Variants in SCARA3 observed in about 807,000 individuals in gnomAD.
SCARA3 encodes the protein cellular stress response gene protein.
In SCARA3, 39 loss-of-function variants were observed where a neutral mutation model predicts 47.0. The ratio of observed to expected loss-of-function variants is 0.83; its 90% CI spans 0.64 to 1.08. The LOEUF is 1.08. Among genes scored for constraint, SCARA3 ranks in the 50% least tolerant of loss-of-function variants. The pLI is 0.00. For synonymous variants in SCARA3, 356 were observed against 334.1 expected (o/e 1.07, Z -0.71); for missense variants, 724 against 792.3 (o/e 0.91, Z 1.04).
chr8:27,715,211 C>T, the SCARA3 span, among the ~76,000 whole-genome samples: 1 of 152,180 alleles, frequency 6.6e-6, no homozygotes, highest in African/African-American at 2.4e-5. This position sits in a 1 kb window ranked among gnomAD's most constrained non-coding sequence, Gnocchi z 4.2. Flanking sequence ...CAGGCATCAG[C>T]CACCCTGCCC....
the SCARA3 span, among the ~76,000 whole-genome samples, chr8:27,688,155 T>A: frequency 6.6e-6 from 1 of 152,296 alleles, no homozygotes; most frequent in East Asian, 1.9e-4. Context: ...ATTAAATGTC[T>A]CCTGCATTTT....
At chr8:27,712,299 C>T in the SCARA3 span, among the ~76,000 whole-genome samples, 1 of 152,172 alleles carries the variant, frequency 6.6e-6, no homozygotes, top group Non-Finnish European at 1.5e-5. Flanking sequence ...CGCGGTGGCT[C>T]ATGCCTGTAA....
intron 1 of SCARA3, among the ~76,000 whole-genome samples, chr8:27,637,872 A>G (rs1255420791): frequency 6.6e-6 from 1 of 152,016 alleles, no homozygotes; most frequent in Non-Finnish European, 1.5e-5. Flanking sequence ...ATGAGCGGCC[A>G]GGCTGGGGGC....
chr8:27,657,431 G>A (rs2128920279), intron 4 of SCARA3, among the ~76,000 whole-genome samples: 1 of 146,804 alleles, frequency 6.8e-6, no homozygotes, highest in East Asian at 2.0e-4. Flanking sequence ...CAGGTAGTGA[G>A]CCCAGGTACC....
the SCARA3 span, among the ~76,000 whole-genome samples, chr8:27,696,077 A>G: frequency 6.6e-6 from 1 of 151,596 alleles, no homozygotes; most frequent in African/African-American, 2.4e-5. Flanking sequence ...TGGCATGATC[A>G]TAGCTCACTG....
chr8:27,662,535 G>A (rs1801933561), intron 5 of SCARA3, among the ~76,000 whole-genome samples: 1 of 152,216 alleles, frequency 6.6e-6, no homozygotes, highest in Admixed American at 6.5e-5. Context: ...AGTCTACGGA[G>A]GGTAGTTTTG....
At chr8:27,725,529 CAA>C in the SCARA3 span, among the ~76,000 whole-genome samples, 3 of 141,578 alleles carry the variant, frequency 2.1e-5, no homozygotes, top group Non-Finnish European at 1.5e-5. Context: ...CTGCCCCCTC[CAA>C]AAAAAAAAAA....
chr8:27,634,322 CT>C, intron 1 of SCARA3, 115 bp downstream of exon 1: 1 of 949,646 alleles, frequency 1.1e-6, no homozygotes, highest in Non-Finnish European at 1.4e-6. Flanking sequence ...CAGGGCGCCT[CT>C]GGCTTTTCCC....
intron 5 of SCARA3, among the ~76,000 whole-genome samples, chr8:27,660,101 C>A (rs888148457): frequency 2.6e-5 from 4 of 152,032 alleles, no homozygotes; most frequent in Admixed American, 6.6e-5. Context: ...ACCACCCAAC[C>A]CTCTGCCCCT....
rs1361693085 is a variant in SCARA3, at chr8:27,672,392, A to G, written c.*1041A>G. 2 of 985,388 alleles carry G rather than the reference A, an allele frequency of 2.0e-6. No individual in the cohort carries two copies. The highest frequency in any genetic ancestry group is 3.5e-5 in the African/African-American group (2 of 57,248). The allele number at this position is 985,388 out of a possible 1,614,324, so 61.0% of individuals were successfully genotyped here. On this transcript the variant is annotated 3_prime_UTR_variant, in exon 6 of 6. Coordinates refer to ENST00000301904, the MANE Select transcript of SCARA3 (RefSeq NM_016240.3). The stretch of plus-strand genomic sequence containing the variant: ...AGGCAGGCCAGAAGGTTCTCTCTGC[A>G]CAGCTGCCTCCCTTGCTCTCCCTGA...
At chr8:27,722,986 A>T in the SCARA3 span, among the ~76,000 whole-genome samples, 1,237 of 152,288 alleles carry the variant, frequency 8.1e-3, 23 homozygotes, top group African/African-American at 0.029. Context: ...CTTCGGCAGC[A>T]GGCAGCATTG....
At chr8:27,698,868 G>C in the SCARA3 span, among the ~76,000 whole-genome samples, 3 of 151,762 alleles carry the variant, frequency 2.0e-5, no homozygotes, top group African/African-American at 7.3e-5. Context: ...TTTATAAATG[G>C]AGATATATAT....
the SCARA3 span, among the ~76,000 whole-genome samples, chr8:27,685,097 T>C: frequency 6.6e-6 from 1 of 152,124 alleles, no homozygotes; most frequent in Non-Finnish European, 1.5e-5. Flanking sequence ...TATGCAATAT[T>C]GATCAAGAAA....
intron 5 of SCARA3, among the ~76,000 whole-genome samples, chr8:27,668,304 G>T (rs1469911704): frequency 6.6e-6 from 1 of 152,044 alleles, no homozygotes; most frequent in African/African-American, 2.4e-5. Context: ...ACTTTGGGAG[G>T]CCGAGGCGGG....
At chr8:27,648,892 GGAAT>G (rs1801569912) in intron 1 of SCARA3, among the ~76,000 whole-genome samples, 2 of 141,294 alleles carry the variant, frequency 1.4e-5, no homozygotes, top group Non-Finnish European at 3.2e-5. Context: ...AAGGAAGGAA[GGAAT>G]GAAGGAAAGG....
At chr8:27,716,672 A>T in the SCARA3 span, among the ~76,000 whole-genome samples, 2 of 152,252 alleles carry the variant, frequency 1.3e-5, no homozygotes, top group African/African-American at 4.8e-5. Context: ...CTTTACAGTC[A>T]TCGTAGTATT....
chr8:27,727,409 G>A, the SCARA3 span, among the ~76,000 whole-genome samples: 1 of 152,194 alleles, frequency 6.6e-6, no homozygotes, highest in Non-Finnish European at 1.5e-5. Context: ...CGAGACCAGG[G>A]TTTACTCTCT....
chr8:27,714,723 G>A, the SCARA3 span, among the ~76,000 whole-genome samples: 1 of 152,004 alleles, frequency 6.6e-6, no homozygotes, highest in Non-Finnish European at 1.5e-5. Flanking sequence ...GACCCATTCT[G>A]TTTTCTCCCT....
chr8:27,724,925 A>G, the SCARA3 span, among the ~76,000 whole-genome samples: 6 of 152,254 alleles, frequency 3.9e-5, no homozygotes, highest in Admixed American at 3.9e-4. Flanking sequence ...AAATTCATCA[A>G]AACATAATAT....
Sources: gnomAD v4.1 joint callset for allele counts (sites outside exome capture counted in the v4.1 genomes callset) on GRCh38, gnomAD v4.1.1 for gene constraint, Gnocchi (gnomAD v3.1) non-coding constraint, MANE v1.5 for transcripts, NCBI Gene and HGNC (gene_info 2026-07-23, HGNC 2026-07-21) for gene names.